Variants in DYSF observed in about 807,000 individuals in gnomAD.
DYSF encodes the protein dystrophy-associated fer-1-like 1.
DYSF carries 212 observed loss-of-function variants against 274.9 expected under a neutral mutation model. That is an observed-to-expected ratio of 0.77 (90% CI 0.69 to 0.86). The LOEUF (loss-of-function observed/expected upper bound fraction) is 0.86. Ranked by LOEUF, DYSF falls within the 40% of genes least tolerant of loss-of-function variation. The pLI is 0.00. For missense variants in DYSF, 2,666 were observed against 2,783.2 expected (o/e 0.96, Z 0.95); for synonymous variants, 1,091 against 1,078.7 (o/e 1.01, Z -0.22).
chr2:71,469,008 T>C (rs1222852514), intron 1 of DYSF, among the ~76,000 whole-genome samples: 1 of 152,202 alleles, frequency 6.6e-6, no homozygotes, highest in East Asian at 1.9e-4. Flanking sequence ...TGAGAATCAC[T>C]TGTAGAACGT....
At chr2:71,561,974 T>G (rs377728508) in intron 23 of DYSF, 30 bp downstream of exon 23, 844 of 1,604,900 alleles carry the variant, frequency 5.3e-4, no homozygotes, top group Non-Finnish European at 6.9e-4. Flanking sequence ...CCTTTCTTCT[T>G]CTGCTCTCCT....
intron 14 of DYSF, among the ~76,000 whole-genome samples, chr2:71,534,251 A>G (rs1460771645): frequency 6.6e-6 from 1 of 152,248 alleles, no homozygotes. Context: ...AAGGCTGCTC[A>G]TTATTTTCAT....
At chr2:71,562,763 T>A (rs1327447262) in intron 23 of DYSF, among the ~76,000 whole-genome samples, 1 of 152,014 alleles carries the variant, frequency 6.6e-6, no homozygotes, top group Non-Finnish European at 1.5e-5. Context: ...GGGATGTGGG[T>A]CCCTGGAGTC....
intron 55 of DYSF, among the ~76,000 whole-genome samples, chr2:71,683,057 T>C (rs1261812425): frequency 2.0e-5 from 3 of 152,148 alleles, no homozygotes; most frequent in Admixed American, 6.5e-5. Flanking sequence ...AGGTGAGATG[T>C]TGATGGCAGA....
chr2:71,493,851 C>CAAAA (rs145288384), intron 3 of DYSF, among the ~76,000 whole-genome samples: 4,698 of 68,982 alleles, frequency 0.068, 669 homozygotes, highest in Middle Eastern at 0.088. Flanking sequence ...TACTCTGTCT[C>CAAAA]AAAAAAAAAA....
intron 36 of DYSF, among the ~76,000 whole-genome samples, chr2:71,606,558 T>A (rs1394190869): frequency 6.6e-6 from 1 of 151,954 alleles, no homozygotes; most frequent in Non-Finnish European, 1.5e-5. Context: ...GCCCCTCAAG[T>A]GGGCTGGACC....
upstream of DYSF, among the ~76,000 whole-genome samples, chr2:71,463,970 C>T (rs2081391985): frequency 1.3e-5 from 2 of 152,140 alleles, no homozygotes; most frequent in African/African-American, 4.8e-5. Context: ...AAGGGTAGAG[C>T]TGGGAGGAAG....
Position 71,643,979 on chromosome 2 carries a change from C to T in DYSF, c.4542C>T (p.Ile1514=), listed in dbSNP as rs148055736. 175 of 1,610,692 alleles carry T rather than the reference C, an allele frequency of 1.1e-4. No individual in the cohort carries two copies. The African/African-American group carries it at 1.3e-3, about 12-fold the overall frequency. Reference sequence around the variant, plus strand: ...TACCCACTCAGGAGGAAGAGTTCATCGATTGGTGGAGCAAATTCTTTGCCT... The same window carrying T: ...TACCCACTCAGGAGGAAGAGTTCATTGATTGGTGGAGCAAATTCTTTGCCT... ...PPSSPHEEEF[I]DWWSKFFASI... is the part of the protein sequence containing the mutation. Residue 1514 remains isoleucine (I), a synonymous_variant, in exon 42 of 56, where the codon ATC becomes ATT. Transcript: ENST00000410020.
At chr2:71,526,415 C>CTGGGGGGGGGGGG in intron 13 of DYSF, 69 bp downstream of exon 13, 1 of 411,240 alleles carries the variant, frequency 2.4e-6, no homozygotes, top group Non-Finnish European at 3.9e-6. Context: ...TGGGGGTGGG[C>CTGGGGGGGGGGGG]GATGGCGGGC....
Position 71,537,340 on chromosome 2 carries a change from G to A in DYSF, c.1494-1817G>A, listed in dbSNP as rs990845513. On this transcript the variant is annotated intron_variant, in intron 16 of 55. Coordinates refer to ENST00000410020, the MANE Select transcript of DYSF (RefSeq NM_001130987.2). Reference sequence around the variant, plus strand: ...TGGCTCATGCAACCTCTGCCTCCCAGGTTCAAGCGATTCTCCTGCCTCAGC... The same window carrying A: ...TGGCTCATGCAACCTCTGCCTCCCAAGTTCAAGCGATTCTCCTGCCTCAGC... 3.4e-5 allele frequency among the ~76,000 whole-genome samples: 5 copies of A among 145,700 alleles called. No homozygotes were observed. In the South Asian group the frequency reaches 8.9e-4, roughly 26 times the overall value.
intron 4 of DYSF, among the ~76,000 whole-genome samples, chr2:71,507,751 C>T (rs78389382): frequency 3.7e-4 from 57 of 152,348 alleles, no homozygotes; most frequent in Admixed American, 6.5e-4. Context: ...AAACACCCCC[C>T]ACAGGCCTGG....
intron 17 of DYSF, among the ~76,000 whole-genome samples, chr2:71,545,744 C>T (rs913263595): frequency 1.3e-5 from 2 of 152,102 alleles, no homozygotes; most frequent in African/African-American, 4.8e-5. Flanking sequence ...TGCCTACCAC[C>T]AGCCCCCTGA....
intron 41 of DYSF, among the ~76,000 whole-genome samples, chr2:71,628,637 A>G (rs1016214789): frequency 6.6e-6 from 1 of 152,160 alleles, no homozygotes; most frequent in Non-Finnish European, 1.5e-5. Flanking sequence ...GAGGACTTAA[A>G]AAAATTTTAT....
intron 42 of DYSF, among the ~76,000 whole-genome samples, chr2:71,653,185 A>G (rs2152933612): frequency 6.6e-6 from 1 of 152,312 alleles, no homozygotes; most frequent in East Asian, 1.9e-4. Flanking sequence ...AATGTGGAGA[A>G]ATAGGAACAC....
intron 41 of DYSF, 138 bp from the exon 42 acceptor site, chr2:71,643,827 C>T: frequency 1.4e-6 from 1 of 727,870 alleles, no homozygotes; most frequent in Non-Finnish European, 2.5e-6. Flanking sequence ...GGTTTCCTCT[C>T]TCTGCTCCCC....
intron 22 of DYSF, among the ~76,000 whole-genome samples, chr2:71,561,320 A>G (rs547490290): frequency 5.6e-4 from 86 of 152,308 alleles, no homozygotes; most frequent in Non-Finnish European, 1.1e-3. Context: ...GACACAGCAC[A>G]GAGCAGACTT....
At chr2:71,618,350 G>GGCATGTGTGGTAGAGGTGGTGTGTGT (rs2093978138) in intron 40 of DYSF, among the ~76,000 whole-genome samples, 1 of 5,152 alleles carries the variant, frequency 1.9e-4, no homozygotes, top group Admixed American at 2.5e-3. Context: ...GTGGTAGAGG[G>GGCATGTGTGGTAGAGGTGGTGTGTGT]GTGTGTGTGT....
intron 16 of DYSF, among the ~76,000 whole-genome samples, chr2:71,537,105 G>A (rs1244795303): frequency 6.6e-6 from 1 of 151,650 alleles, no homozygotes. Context: ...CTTTTCAAGT[G>A]CTGACCTTTT....
intron 43 of DYSF, among the ~76,000 whole-genome samples, chr2:71,656,900 G>A (rs1156458286): frequency 1.3e-5 from 2 of 152,162 alleles, no homozygotes; most frequent in Non-Finnish European, 2.9e-5. Context: ...TGGGAATGCA[G>A]CCAAACCATA....
Sources: gnomAD v4.1 joint callset for allele counts (sites outside exome capture counted in the v4.1 genomes callset) on GRCh38, gnomAD v4.1.1 for gene constraint, MANE v1.5 for transcripts, NCBI Gene and HGNC (gene_info 2026-07-23, HGNC 2026-07-21) for gene names.